TAF1D: variants seen among roughly 807,000 people sequenced by gnomAD.
The protein encoded by TAF1D is TATA box-binding protein-associated factor RNA polymerase I subunit D.
In TAF1D, 23 loss-of-function variants were observed where a neutral mutation model predicts 26.2. The observed-to-expected ratio is 0.88, with a 90% confidence interval of 0.63 to 1.25. TAF1D has a LOEUF of 1.25. Ranked by LOEUF, TAF1D falls within the 50% of genes most tolerant of loss-of-function variation. The pLI is 0.00. For missense variants in TAF1D, 299 were observed against 322.0 expected (o/e 0.93, Z 0.55); for synonymous variants, 100 against 105.6 (o/e 0.95, Z 0.33).
At chr11:93,734,781 C>CT (rs751356083), downstream of TAF1D, 2,170 of 1,255,142 alleles carry the variant, frequency 1.7e-3, 4 homozygotes, top group Non-Finnish European at 2.1e-3. Context: ...TGGAATCAAC[C>CT]TTTTTTTCTT....
At chr11:93,739,674 T>C (rs1260889315) in intron 1 of TAF1D, among the ~76,000 whole-genome samples, 1 of 152,140 alleles carries the variant, frequency 6.6e-6, no homozygotes, top group Non-Finnish European at 1.5e-5. Flanking sequence ...TAATGTACAA[T>C]TAAAAGCCGT....
chr11:93,732,295 GA>G, downstream of TAF1D: 2 of 495,158 alleles, frequency 4.0e-6, no homozygotes, highest in South Asian at 1.5e-5. Context: ...TGACACCCTG[GA>G]AAAAAAAGCA....
downstream of TAF1D, chr11:93,731,417 A>C: frequency 2.0e-6 from 1 of 489,924 alleles, no homozygotes; most frequent in Non-Finnish European, 4.1e-6. Context: ...TCATATCCGA[A>C]TTTGCTCTAT....
chr11:93,737,928 G>A (rs549150760), intron 3 of TAF1D, among the ~76,000 whole-genome samples, 181 bp downstream of exon 3: 1 of 152,336 alleles, frequency 6.6e-6, no homozygotes, highest in South Asian at 2.1e-4. Context: ...GTTATATTAA[G>A]AGATACAAGT....
intron 2 of TAF1D, chr11:93,738,844 G>A: frequency 3.3e-6 from 1 of 301,114 alleles, no homozygotes; most frequent in Non-Finnish European, 6.1e-6. Context: ...TAGGACTAAT[G>A]GCATGCACCA....
chr11:93,741,269 A>T (rs532305822), intron 1 of TAF1D, 53 bp downstream of exon 1: 1 of 454,506 alleles, frequency 2.2e-6, no homozygotes, highest in Non-Finnish European at 4.4e-6. Context: ...CCAGATATGC[A>T]ACGCCTCCCC....
At position 93,730,543 on chromosome 11, in the gene TAF1D, A is replaced by G. The variant is rs971257708; in HGVS notation, c.*908T>C. 1.8e-5 allele frequency: 12 copies of G among 652,522 alleles called. No individual in the cohort carries two copies. In the East Asian group the frequency reaches 2.4e-4, roughly 13 times the overall value. The allele number at this position is 652,522 out of a possible 1,614,324, so 40.4% of individuals were successfully genotyped here. A position where few individuals can be genotyped will look rare whatever the true frequency, so the allele number is the denominator to read the frequency against. On this transcript the variant is annotated 3_prime_UTR_variant and NMD_transcript_variant, in exon 12 of 12. Transcript: ENST00000323981. ...TATCTCCTCAGGAAAACATAGCACC[A>G]AACATTAGGAGTGCTATGGCTTCCT...
At chr11:93,735,195 GT>G (rs1940476277), downstream of TAF1D, 1 of 1,351,898 alleles carries the variant, frequency 7.4e-7, no homozygotes, top group Admixed American at 1.9e-5. Context: ...GCACCTATCT[GT>G]AAGTCTTTGT....
In TAF1D at chr11:93,738,934, TAA is replaced by T; in HGVS notation, c.68+301_68+302del. ...AAGGCTGTATGGTTCGGTTCACTGC[TAA>T]GAGTGTCTGAGTAAAACAAACACAG... On this transcript the variant is annotated intron_variant, in intron 2 of 5. Coordinates refer to ENST00000448108, the MANE Select transcript of TAF1D (RefSeq NM_024116.4). The T allele has an allele frequency of 2.3e-5, 10 of 429,260 alleles. No homozygotes were observed. In the South Asian group the frequency reaches 3.0e-4, roughly 13 times the overall value. The allele number at this position is 429,260 out of a possible 1,614,324, so 26.6% of individuals were successfully genotyped here.
At chr11:93,731,261 C>CAGAA, downstream of TAF1D, 1 of 356,838 alleles carries the variant, frequency 2.8e-6, no homozygotes. Context: ...CTATTAAGTA[C>CAGAA]ATAAATCTAT....
chr11:93,740,420 G>A, intron 1 of TAF1D, among the ~76,000 whole-genome samples: 1 of 110,954 alleles, frequency 9.0e-6, no homozygotes, highest in South Asian at 3.3e-4. Flanking sequence ...GACAGAGCAA[G>A]ACCCTGTCTC....
At chr11:93,736,526 T>C in intron 5 of TAF1D, 168 bp downstream of exon 5, 1 of 1,423,778 alleles carries the variant, frequency 7.0e-7, no homozygotes, top group East Asian at 2.7e-5. Context: ...CCCCATGTTC[T>C]TTATCAAGTC....
chr11:93,732,767 T>A (rs1939506983), downstream of TAF1D: 1 of 216,366 alleles, frequency 4.6e-6, no homozygotes, highest in South Asian at 6.4e-5. Flanking sequence ...TCATTGTTGC[T>A]CAAACTGCCA....
chr11:93,741,404 T>TGCGTGA lies in TAF1D; in HGVS notation c.-111_-110insTCACGC, dbSNP rs5793653. On this transcript the variant is annotated 5_prime_UTR_variant, in exon 1 of 6. Coordinates refer to ENST00000448108, the MANE Select transcript of TAF1D (RefSeq NM_024116.4). Reference sequence around the variant, plus strand: ...GGCCCAAAACCCGCGACTGGCCTGGTGTCCTAGAGCTCTGTACACACCACC... The same window carrying TGCGTGA: ...GGCCCAAAACCCGCGACTGGCCTGGTGCGTGAGTCCTAGAGCTCTGTACACACCACC... 0.96 allele frequency: 437,041 copies of TGCGTGA among 455,922 alleles called. 210,838 individuals are homozygous for TGCGTGA. The highest frequency in any genetic ancestry group is 1 in the East Asian group (14,323 of 14,368). The allele number at this position is 455,922 out of a possible 1,614,324, so 28.2% of individuals were successfully genotyped here.
chr11:93,736,051 G>A lies in TAF1D; in HGVS notation c.*110C>T. 6.7e-7 allele frequency: 1 copy of A among 1,486,000 alleles called. No homozygotes were observed. The allele number at this position is 1,486,000 out of a possible 1,614,324, so 92.1% of individuals were successfully genotyped here. A position where few individuals can be genotyped will look rare whatever the true frequency, so the allele number is the denominator to read the frequency against. On this transcript the variant is annotated 3_prime_UTR_variant, in exon 6 of 6. Transcript: ENST00000448108. ...TTTTTTTCTTGTTATAAAGTTCTGG[G>A]TTTCAGAATTTCTTCACCACCAGAC...
rs1940696376 is a variant in TAF1D, at chr11:93,736,052, T to TTTC, written c.*106_*108dup. On this transcript the variant is annotated 3_prime_UTR_variant, in exon 6 of 6. Transcript: ENST00000448108. ...TTTTTTCTTGTTATAAAGTTCTGGG[T>TTTC]TTCAGAATTTCTTCACCACCAGACT... 6.8e-7 allele frequency: 1 copy of TTTC among 1,479,846 alleles called. No homozygotes were observed. Among genetic ancestry groups the TTTC allele is most frequent in the African/African-American group, 1.7e-5 (1 of 60,076 alleles). 91.7% of individuals were successfully genotyped at this position (1,479,846 alleles called of 1,614,324 possible). A position where few individuals can be genotyped will look rare whatever the true frequency, so the allele number is the denominator to read the frequency against.
intron 4 of TAF1D, 28 bp downstream of exon 4, chr11:93,737,036 C>T (rs774385607): frequency 7.8e-6 from 12 of 1,535,602 alleles, no homozygotes; most frequent in African/African-American, 1.4e-5. Flanking sequence ...TAACCTATTA[C>T]CAAAGTATTT....
At chr11:93,741,298 G>A (rs550349878) in intron 1 of TAF1D, 24 bp downstream of exon 1, 4 of 456,150 alleles carry the variant, frequency 8.8e-6, no homozygotes, top group African/African-American at 6.0e-5. Context: ...AGGCCCGGAC[G>A]GCCTCGCCCT....
downstream of TAF1D, chr11:93,734,665 A>G: frequency 8.4e-7 from 1 of 1,196,838 alleles, no homozygotes; most frequent in Non-Finnish European, 1.1e-6. Flanking sequence ...AAAAGCCTTT[A>G]AAACAAAAAG....
Sources: gnomAD v4.1 joint callset for allele counts (sites outside exome capture counted in the v4.1 genomes callset) on GRCh38, gnomAD v4.1.1 for gene constraint, MANE v1.5 for transcripts, NCBI Gene and HGNC (gene_info 2026-07-23, HGNC 2026-07-21) for gene names.